Variants in CHRM3 observed in about 807,000 individuals in gnomAD.
CHRM3 encodes cholinergic receptor muscarinic 3, also known as muscarinic acetylcholine receptor M3.
CHRM3 carries 11 observed loss-of-function variants against 41.8 expected under a neutral mutation model. The observed-to-expected ratio is 0.26, with a 90% CI of 0.17 to 0.44. The LOEUF (loss-of-function observed/expected upper bound fraction) is 0.44. CHRM3 is among the 20% of genes least tolerant of loss of function. The pLI, the probability that CHRM3 is intolerant of heterozygous loss-of-function variation, is 1.00. For missense variants in CHRM3, 571 were observed against 745.4 expected, an observed-to-expected ratio of 0.77 and a Z score of 2.72; for synonymous variants, 297 against 301.4, an observed-to-expected ratio of 0.99 and a Z score of 0.15.
chr1:239,574,928 T>A (rs577054439), intron 3 of CHRM3, among the ~76,000 whole-genome samples: 5 of 152,298 alleles, frequency 3.3e-5, no homozygotes, highest in African/African-American at 1.2e-4. Flanking sequence ...TATTTTATTT[T>A]ATTTTGAATG....
rs539653764 is a variant in CHRM3, at chr1:239,784,121, G to A, written c.-146-43131G>A. On this transcript the variant is annotated intron_variant, in intron 5 of 6. Transcript: ENST00000676153. ...GCTTCACTTACTTAGATGCTTTCTT[G>A]TAAAGTTTCATCGTTAGGCCTTCTT... Among the ~76,000 whole-genome samples, 50 of 152,194 alleles carry A rather than the reference G, an allele frequency of 3.3e-4. No homozygotes were observed. The East Asian group carries it at 6.0e-3, about 18-fold the overall frequency.
chr1:239,412,371 CCTT>C (rs955947046), intron 1 of CHRM3, among the ~76,000 whole-genome samples: 2 of 137,920 alleles, frequency 1.5e-5, no homozygotes, highest in African/African-American at 2.8e-5. Context: ...AGTCATCTAT[CCTT>C]CTGTTCCAGT....
At chr1:239,872,302 T>G (rs1036029146) in intron 6 of CHRM3, among the ~76,000 whole-genome samples, 9 of 152,230 alleles carry the variant, frequency 5.9e-5, no homozygotes, top group African/African-American at 1.9e-4. Flanking sequence ...AGTTTTCATC[T>G]CTATAAAATG....
chr1:239,589,650 A>T (rs1307617235), intron 3 of CHRM3, among the ~76,000 whole-genome samples: 6 of 140,230 alleles, frequency 4.3e-5, no homozygotes, highest in Admixed American at 2.1e-4. Context: ...ATATATATAT[A>T]TATATATATA....
chr1:239,889,202 G>A (rs1678331962), intron 6 of CHRM3, among the ~76,000 whole-genome samples: 1 of 152,208 alleles, frequency 6.6e-6, no homozygotes, highest in African/African-American at 2.4e-5. Context: ...AGGAGGTGTT[G>A]TCTGATTTAC....
chr1:239,837,301 GAGAAATATCCAAGCACCT>G (rs1332360134), intron 6 of CHRM3, among the ~76,000 whole-genome samples: 2 of 152,190 alleles, frequency 1.3e-5, no homozygotes, highest in East Asian at 1.9e-4. Context: ...AAGAGTGCCA[GAGAAATATCCAAGCACCT>G]AGAATCGCAA....
At chr1:239,632,026 C>T (rs1317949832) in intron 3 of CHRM3, among the ~76,000 whole-genome samples, 198 bp from the exon 4 acceptor site, 1 of 152,202 alleles carries the variant, frequency 6.6e-6, no homozygotes, top group Non-Finnish European at 1.5e-5. Context: ...GGTACCTTAA[C>T]TTCTCTGACC....
chr1:239,630,395 A>G (rs1669681025), intron 3 of CHRM3, among the ~76,000 whole-genome samples: 1 of 152,228 alleles, frequency 6.6e-6, no homozygotes, highest in Admixed American at 6.5e-5. Flanking sequence ...AGCAACTACT[A>G]TGCACAAGAC....
chr1:239,488,870 G>C (rs1186416156), intron 1 of CHRM3, among the ~76,000 whole-genome samples: 1 of 151,878 alleles, frequency 6.6e-6, no homozygotes, highest in African/African-American at 2.4e-5. Flanking sequence ...AAATTGTTAG[G>C]CATTTTGTAT....
At chr1:239,417,633 G>T (rs1661608434) in intron 1 of CHRM3, among the ~76,000 whole-genome samples, 1 of 136,588 alleles carries the variant, frequency 7.3e-6, no homozygotes, top group African/African-American at 2.8e-5. Flanking sequence ...ATATGTATAC[G>T]GATTTAGAGT....
At chr1:239,856,659 A>G (rs970972897) in intron 6 of CHRM3, among the ~76,000 whole-genome samples, 3 of 152,160 alleles carry the variant, frequency 2.0e-5, no homozygotes, top group Non-Finnish European at 4.4e-5. Flanking sequence ...TACCAGGAAG[A>G]CAATTAAAAG....
chr1:239,534,764 A>G (rs1183165325), intron 2 of CHRM3, among the ~76,000 whole-genome samples: 6 of 152,228 alleles, frequency 3.9e-5, no homozygotes, highest in Admixed American at 3.9e-4. Flanking sequence ...CATACATGGA[A>G]CATTTAGTAT....
At chr1:239,709,112 G>A (rs572457700) in intron 5 of CHRM3, among the ~76,000 whole-genome samples, 2 of 152,024 alleles carry the variant, frequency 1.3e-5, no homozygotes, top group East Asian at 1.9e-4. Context: ...ATGTTTAAAC[G>A]TACAATGCTT....
At chr1:239,429,409 G>T (rs1417270388) in intron 1 of CHRM3, among the ~76,000 whole-genome samples, 1 of 152,094 alleles carries the variant, frequency 6.6e-6, no homozygotes, top group Non-Finnish European at 1.5e-5. Context: ...ATACATGATT[G>T]TTAAGTCATT....
At chr1:239,403,638 G>A (rs545863012) in intron 1 of CHRM3, among the ~76,000 whole-genome samples, 2 of 152,050 alleles carry the variant, frequency 1.3e-5, no homozygotes, top group African/African-American at 4.8e-5. Context: ...ATTTCTAGTG[G>A]CCAGTAGTCA....
At chr1:239,475,558 A>G (rs1380449985) in intron 1 of CHRM3, among the ~76,000 whole-genome samples, 1 of 152,168 alleles carries the variant, frequency 6.6e-6, no homozygotes, top group African/African-American at 2.4e-5. Context: ...CTAATGTAGT[A>G]TCCTGGATGG....
intron 4 of CHRM3, among the ~76,000 whole-genome samples, chr1:239,665,692 C>T (rs1315096787): frequency 1.3e-5 from 2 of 151,996 alleles, no homozygotes; most frequent in Non-Finnish European, 1.5e-5. Context: ...CCCGACTGGC[C>T]CCAGTGTGTG....
At chr1:239,468,225 C>T (rs979505040) in intron 1 of CHRM3, among the ~76,000 whole-genome samples, 3 of 152,028 alleles carry the variant, frequency 2.0e-5, no homozygotes, top group Non-Finnish European at 4.4e-5. Flanking sequence ...CTGAAAAATG[C>T]CATTTTTTAA....
At chr1:239,886,917 T>C (rs1678122443) in intron 6 of CHRM3, among the ~76,000 whole-genome samples, 1 of 152,208 alleles carries the variant, frequency 6.6e-6, no homozygotes, top group South Asian at 2.1e-4. Context: ...GACCTTTTCT[T>C]TGTTATTCTT....
Sources: allele counts gnomAD v4.1 joint callset (sites outside exome capture counted in the v4.1 genomes callset), GRCh38; gene constraint gnomAD v4.1.1; transcripts MANE v1.5; gene names NCBI Gene and HGNC (gene_info 2026-07-23, HGNC 2026-07-21).